CNTN5: variants seen among roughly 807,000 people sequenced by gnomAD.
CNTN5 encodes the protein contactin 5.
A neutral mutation model predicts 129.1 loss-of-function variants in CNTN5; 77 were observed. The observed-to-expected ratio is 0.60, with a 90% CI of 0.50 to 0.72. The LOEUF (loss-of-function observed/expected upper bound fraction) is 0.72, where lower values mean the gene tolerates loss of function less well. CNTN5 is among the 30% of genes least tolerant of loss of function. The pLI is 0.00. For synonymous variants in CNTN5, 509 were observed against 465.6 expected (o/e 1.09, Z -1.20); for missense variants, 1,478 against 1,328.8 (o/e 1.11, Z -1.75).
rs143354369 is a variant in CNTN5 at position 100,255,415 on chromosome 11, C to T, written c.2006-345C>T. On this transcript the variant is annotated intron_variant, in intron 16 of 24. Coordinates refer to ENST00000524871, the MANE Select transcript of CNTN5 (RefSeq NM_014361.4). ...TAGCACTGCCTATCATTTTCTGTTGCTGCCTCTGTAAACTGATTGATTTCA... is the reference window on the plus strand; with the variant it reads ...TAGCACTGCCTATCATTTTCTGTTGTTGCCTCTGTAAACTGATTGATTTCA... 7.1e-3 allele frequency among the ~76,000 whole-genome samples: 1,083 copies of T among 152,118 alleles called. 19 individuals are homozygous for T. Among genetic ancestry groups the T allele is most frequent in the African/African-American group, 0.025 (1,024 of 41,514 alleles).
At chr11:99,548,613 C>T (rs931700914) in intron 2 of CNTN5, among the ~76,000 whole-genome samples, 10 of 152,270 alleles carry the variant, frequency 6.6e-5, no homozygotes, top group South Asian at 2.1e-4. Context: ...AGACATCCTC[C>T]GGCTAATGGA....
intron 8 of CNTN5, among the ~76,000 whole-genome samples, chr11:99,986,359 C>T (rs924734887): frequency 6.6e-5 from 10 of 152,086 alleles, no homozygotes; most frequent in African/African-American, 1.4e-4. Context: ...TTTTGAACAC[C>T]GATTTTGCCT....
intron 3 of CNTN5, among the ~76,000 whole-genome samples, chr11:99,777,421 G>T (rs528256807): frequency 1.3e-5 from 2 of 151,860 alleles, no homozygotes; most frequent in South Asian, 4.1e-4. Context: ...AATAAATCAC[G>T]AATGTATAAA....
rs372564751 is a variant in CNTN5 at position 99,805,546 on chromosome 11, A to G, written c.56-13998A>G. Among the ~76,000 whole-genome samples, 19 of 152,314 alleles carry G rather than the reference A, an allele frequency of 1.2e-4. No homozygotes were observed. In the East Asian group the frequency reaches 3.1e-3, roughly 25 times the overall value. ...CAGCTGTAGACACAGCCTTGCAATC[A>G]CTACTCATTAGGGTATTGGAACTAT... On this transcript the variant is annotated intron_variant, in intron 3 of 24. Transcript: ENST00000524871.
chr11:100,116,840 A>T (rs1945855664), intron 13 of CNTN5, among the ~76,000 whole-genome samples: 1 of 152,028 alleles, frequency 6.6e-6, no homozygotes, highest in African/African-American at 2.4e-5. Flanking sequence ...ACTTACTATA[A>T]AGAGAAAGCA....
In CNTN5 at chr11:99,431,329, G is replaced by A. The variant is rs562698424; in HGVS notation, c.-71+105845G>A. On this transcript the variant is annotated intron_variant, in intron 2 of 24. Coordinates refer to ENST00000524871, the MANE Select transcript of CNTN5 (RefSeq NM_014361.4). ...CTGAAGACTGCTTTCTACCAACATAGAAGGAGGAAAAAGCTCATACTTACC... is the reference window on the plus strand; with the variant it reads ...CTGAAGACTGCTTTCTACCAACATAAAAGGAGGAAAAAGCTCATACTTACC... Among the ~76,000 whole-genome samples the A allele has an allele frequency of 6.6e-5, 10 of 152,150 alleles. No homozygotes were observed. The East Asian group carries it at 1.2e-3, about 18-fold the overall frequency.
chr11:99,199,846 G>C (rs1404117098), intron 1 of CNTN5, among the ~76,000 whole-genome samples: 1 of 152,140 alleles, frequency 6.6e-6, no homozygotes, highest in African/African-American at 2.4e-5. Context: ...GAGAGGTGAA[G>C]AATTACAGTC....
At chr11:100,213,361 G>T (rs1199195642) in intron 15 of CNTN5, among the ~76,000 whole-genome samples, 1 of 152,132 alleles carries the variant, frequency 6.6e-6, no homozygotes, top group African/African-American at 2.4e-5. Context: ...CTGCTAGCTT[G>T]AAGACAATAA....
At chr11:99,226,432 A>T (rs974818581) in intron 1 of CNTN5, among the ~76,000 whole-genome samples, 2 of 152,194 alleles carry the variant, frequency 1.3e-5, no homozygotes, top group African/African-American at 4.8e-5. Context: ...GTCAGTGCAC[A>T]TTCTTACCAA....
chr11:99,709,733 C>T (rs687047), intron 3 of CNTN5, among the ~76,000 whole-genome samples: 132,161 of 151,816 alleles, frequency 0.87, 57,635 homozygotes, highest in Middle Eastern at 0.89. Flanking sequence ...GAAAAGGATT[C>T]ATTAAGGTAT....
intron 13 of CNTN5, among the ~76,000 whole-genome samples, chr11:100,131,812 G>A (rs1296338406): frequency 6.6e-6 from 1 of 152,078 alleles, no homozygotes; most frequent in Non-Finnish European, 1.5e-5. Flanking sequence ...GAGGTAGGCT[G>A]AAGTTGGGGG....
At chr11:100,092,993 C>T (rs372523656) in intron 13 of CNTN5, among the ~76,000 whole-genome samples, 2 of 152,200 alleles carry the variant, frequency 1.3e-5, no homozygotes, top group South Asian at 2.1e-4. Context: ...TAAGTTCCAT[C>T]CTCTTGCCTC....
intron 6 of CNTN5, among the ~76,000 whole-genome samples, chr11:99,860,384 C>A (rs79139118): frequency 0.055 from 8,294 of 152,064 alleles, 290 homozygotes; most frequent in Middle Eastern, 0.1. Context: ...TTTCCTGAGG[C>A]CAGTGTCCAG....
chr11:99,213,169 C>T (rs573752327), intron 1 of CNTN5, among the ~76,000 whole-genome samples: 13 of 148,948 alleles, frequency 8.7e-5, no homozygotes, highest in Admixed American at 2.7e-4. Context: ...CCAGCCAGGG[C>T]GACAGAGTGA....
At chr11:99,279,654 A>G (rs1863601874) in intron 1 of CNTN5, among the ~76,000 whole-genome samples, 1 of 151,756 alleles carries the variant, frequency 6.6e-6, no homozygotes, top group African/African-American at 2.4e-5. Flanking sequence ...TTTATACTTC[A>G]GTAAACTTTA....
Position 99,536,883 on chromosome 11 carries a change from T to C in CNTN5, c.-70-19262T>C, listed in dbSNP as rs117797191. ...AAAAAAAAAAAGAAAAAGGAAACAATTAAAACGTAATAAATTGTGTTATAA... is the reference window on the plus strand; with the variant it reads ...AAAAAAAAAAAGAAAAAGGAAACAACTAAAACGTAATAAATTGTGTTATAA... On this transcript the variant is annotated intron_variant, in intron 2 of 24. Coordinates refer to ENST00000524871, the MANE Select transcript of CNTN5 (RefSeq NM_014361.4). 1.7e-3 allele frequency among the ~76,000 whole-genome samples: 249 copies of C among 150,022 alleles called. 5 individuals carry two copies. The East Asian group carries it at 0.04, about 24-fold the overall frequency.
intron 8 of CNTN5, among the ~76,000 whole-genome samples, chr11:99,990,836 A>T (rs200027723): frequency 6.6e-6 from 1 of 152,164 alleles, no homozygotes; most frequent in East Asian, 1.9e-4. Flanking sequence ...TTGATAAATA[A>T]TATATAATCT....
intron 3 of CNTN5, among the ~76,000 whole-genome samples, chr11:99,635,843 CTTTA>C (rs898349889): frequency 6.6e-6 from 1 of 152,062 alleles, no homozygotes; most frequent in African/African-American, 2.4e-5. Flanking sequence ...ATTACAGTCA[CTTTA>C]TTTATAAAAG....
chr11:99,730,589 T>C (rs767249390), intron 3 of CNTN5, among the ~76,000 whole-genome samples: 4 of 152,196 alleles, frequency 2.6e-5, no homozygotes, highest in Non-Finnish European at 5.9e-5. Context: ...ATTTTTAATG[T>C]TACTTCTTTT....
Sources: gnomAD v4.1 joint callset for allele counts (sites outside exome capture counted in the v4.1 genomes callset) on GRCh38, gnomAD v4.1.1 for gene constraint, MANE v1.5 for transcripts, NCBI Gene and HGNC (gene_info 2026-07-23, HGNC 2026-07-21) for gene names.